The following SLC4A10 variants were observed in gnomAD, a reference collection of about 807,000 sequenced individuals.
The protein encoded by SLC4A10 is solute carrier family 4 member 10, also known as sodium-driven chloride bicarbonate exchanger.
A neutral mutation model predicts 137.7 loss-of-function variants in SLC4A10; 42 were observed. The ratio of observed to expected loss-of-function variants is 0.30; its 90% CI spans 0.24 to 0.39. SLC4A10 has a LOEUF of 0.39. SLC4A10 is among the 10% of genes least tolerant of loss of function. The pLI, the probability that SLC4A10 is intolerant of heterozygous loss-of-function variation, is 1.00. For missense variants in SLC4A10, 925 were observed against 1,355.0 expected, an observed-to-expected ratio of 0.68 and a Z score of 4.98; for synonymous variants, 474 against 464.1, an observed-to-expected ratio of 1.02 and a Z score of -0.27.
chr2:161,625,765 C>G (rs1214120293), intron 1 of SLC4A10, among the ~76,000 whole-genome samples: 1 of 151,972 alleles, frequency 6.6e-6, no homozygotes, highest in East Asian at 1.9e-4. Flanking sequence ...CTGAGCATGC[C>G]CAGTTCTCCT....
chr2:161,969,315 T>G (rs753225429), intron 23 of SLC4A10, among the ~76,000 whole-genome samples: 8 of 152,136 alleles, frequency 5.3e-5, no homozygotes, highest in African/African-American at 1.2e-4. Flanking sequence ...GTTCCAAATT[T>G]TCATGTACTT....
intron 2 of SLC4A10, among the ~76,000 whole-genome samples, chr2:161,782,125 C>T (rs2053100479): frequency 1.3e-5 from 2 of 152,026 alleles, no homozygotes; most frequent in African/African-American, 4.8e-5. Context: ...ATAGAGCAAG[C>T]AAACAAAATC....
intron 1 of SLC4A10, among the ~76,000 whole-genome samples, chr2:161,660,883 A>C (rs2038295473): frequency 6.6e-6 from 1 of 150,614 alleles, no homozygotes. Flanking sequence ...GATGGTCTAG[A>C]TCTCCTGACC....
At chr2:161,711,893 G>A (rs1461742369) in intron 1 of SLC4A10, among the ~76,000 whole-genome samples, 1 of 151,748 alleles carries the variant, frequency 6.6e-6, no homozygotes, top group South Asian at 2.1e-4. Context: ...GTGAGTTAAT[G>A]TATGTGAAAC....
intron 9 of SLC4A10, among the ~76,000 whole-genome samples, chr2:161,880,863 T>C (rs2061721461): frequency 6.6e-6 from 1 of 152,106 alleles, no homozygotes; most frequent in African/African-American, 2.4e-5. Context: ...ACAATGATAG[T>C]GCTTGTATTT....
intron 1 of SLC4A10, among the ~76,000 whole-genome samples, chr2:161,724,844 C>G (rs536699943): frequency 1.7e-4 from 26 of 152,182 alleles, no homozygotes; most frequent in African/African-American, 6.3e-4. Context: ...ACAACTAATT[C>G]TTAGTTGTTT....
At chr2:161,926,309 G>A (rs867180191) in intron 15 of SLC4A10, among the ~76,000 whole-genome samples, 1 of 144,736 alleles carries the variant, frequency 6.9e-6, no homozygotes, top group African/African-American at 2.5e-5. Context: ...TTATGTAATG[G>A]CCTTGTCTCT....
chr2:161,665,123 T>C (rs1326768504), intron 1 of SLC4A10, among the ~76,000 whole-genome samples: 1 of 151,770 alleles, frequency 6.6e-6, no homozygotes, highest in African/African-American at 2.4e-5. Flanking sequence ...AATCCAAAAA[T>C]AGTAGCGGCT....
chr2:161,842,263 C>A (rs1209922996), intron 4 of SLC4A10, among the ~76,000 whole-genome samples: 1 of 152,088 alleles, frequency 6.6e-6, no homozygotes, highest in Non-Finnish European at 1.5e-5. Context: ...TGTAAACTTA[C>A]CTTCATAAAA....
At position 161,983,749 on chromosome 2, in the gene SLC4A10, A is replaced by G. The variant is rs1259589748; in HGVS notation, c.*597A>G. ...TTATGCATTTCCTTGATTTAATATG[A>G]TAAATTTAATACTTAACAATTTATA... On this transcript the variant is annotated 3_prime_UTR_variant, in exon 27 of 27. Transcript: ENST00000446997. 6.6e-6 allele frequency: 1 copy of G among 152,322 alleles called. No individual in the cohort carries two copies. Among genetic ancestry groups the G allele is most frequent in the Non-Finnish European group, 1.5e-5 (1 of 68,146 alleles). 9.4% of individuals were successfully genotyped at this position (152,322 alleles called of 1,614,324 possible).
In SLC4A10 at chr2:161,825,821, G is replaced by A. The variant is rs62187701; in HGVS notation, c.278-13968G>A. Among the ~76,000 whole-genome samples the A allele has an allele frequency of 7.9e-5, 12 of 152,212 alleles. No homozygotes were observed. In the East Asian group the frequency reaches 9.7e-4, roughly 12 times the overall value. Reference sequence around the variant, plus strand: ...TCAGACTCATGTTACAGCTCTTTCCGAAGAACTCTAAAATGTGTCTGTTTC... The same window carrying A: ...TCAGACTCATGTTACAGCTCTTTCCAAAGAACTCTAAAATGTGTCTGTTTC... On this transcript the variant is annotated intron_variant, in intron 3 of 26. Coordinates refer to ENST00000446997, the MANE Select transcript of SLC4A10 (RefSeq NM_001178015.2).
chr2:161,855,305 C>A (rs1305778885), intron 5 of SLC4A10, among the ~76,000 whole-genome samples, 175 bp downstream of exon 5: 1 of 152,096 alleles, frequency 6.6e-6, no homozygotes, highest in African/African-American at 2.4e-5. Flanking sequence ...GAAGTTGAAT[C>A]TCAGAGAAAT....
chr2:161,705,517 G>T (rs758644269), intron 1 of SLC4A10, among the ~76,000 whole-genome samples: 17 of 151,610 alleles, frequency 1.1e-4, no homozygotes, highest in Non-Finnish European at 2.2e-4. Context: ...CTCAATGTAC[G>T]CTTTTTACTC....
At chr2:161,939,278 T>A (rs1190115675) in intron 15 of SLC4A10, among the ~76,000 whole-genome samples, 8 of 152,110 alleles carry the variant, frequency 5.3e-5, no homozygotes, top group Admixed American at 5.2e-4. Flanking sequence ...GGTTTCACCA[T>A]GTTGGCCAGG....
chr2:161,735,402 T>C (rs1163157168), intron 1 of SLC4A10, among the ~76,000 whole-genome samples: 1 of 152,130 alleles, frequency 6.6e-6, no homozygotes. Flanking sequence ...TGATAATTAA[T>C]GTTTTAATAT....
intron 3 of SLC4A10, among the ~76,000 whole-genome samples, chr2:161,829,427 A>G (rs940636572): frequency 1.3e-5 from 2 of 152,138 alleles, no homozygotes; most frequent in Non-Finnish European, 1.5e-5. Flanking sequence ...CTAGGAAGAA[A>G]TCAGCCTCAC....
intron 6 of SLC4A10, among the ~76,000 whole-genome samples, chr2:161,867,080 A>G (rs1325068386): frequency 6.6e-6 from 1 of 151,924 alleles, no homozygotes; most frequent in African/African-American, 2.4e-5. Flanking sequence ...CAACGCCATA[A>G]GTTACTGAAA....
intron 1 of SLC4A10, among the ~76,000 whole-genome samples, chr2:161,757,856 A>C (rs1372955627): frequency 6.6e-6 from 1 of 152,130 alleles, no homozygotes; most frequent in Non-Finnish European, 1.5e-5. Flanking sequence ...AGTTCTTCTA[A>C]ATAGAAAAAA....
intron 15 of SLC4A10, among the ~76,000 whole-genome samples, chr2:161,910,842 C>T (rs1685657007): frequency 2.0e-5 from 3 of 151,888 alleles, no homozygotes; most frequent in African/African-American, 4.8e-5. Flanking sequence ...AGTATCCTCT[C>T]TCTCATCTTC....
Sources: allele counts gnomAD v4.1 joint callset (sites outside exome capture counted in the v4.1 genomes callset), GRCh38; gene constraint gnomAD v4.1.1; transcripts MANE v1.5; gene names NCBI Gene and HGNC (gene_info 2026-07-23, HGNC 2026-07-21).